USP33: variants seen among roughly 807,000 people sequenced by gnomAD.
USP33 encodes the protein ubiquitin specific peptidase 33.
A neutral mutation model predicts 124.2 loss-of-function variants in USP33; 46 were observed. The ratio of observed to expected loss-of-function variants is 0.37; its 90% CI spans 0.29 to 0.47. USP33 has a LOEUF of 0.47. USP33 is among the 20% of genes least tolerant of loss of function. USP33 has a pLI of 0.99. For synonymous variants in USP33, 350 were observed against 352.3 expected, an observed-to-expected ratio of 0.99 and a Z score of 0.07; for missense variants, 851 against 1,070.6, an observed-to-expected ratio of 0.79 and a Z score of 2.86.
At chr1:77,712,909 T>C (rs924177657) in intron 20 of USP33, among the ~76,000 whole-genome samples, 5 of 152,138 alleles carry the variant, frequency 3.3e-5, no homozygotes, top group African/African-American at 1.2e-4. Flanking sequence ...CTCAATTGTG[T>C]GAGTATATAC....
chr1:77,704,090 G>A (rs1410339472), intron 21 of USP33, among the ~76,000 whole-genome samples: 10 of 151,702 alleles, frequency 6.6e-5, no homozygotes, highest in East Asian at 3.9e-4. Context: ...GCTCCAGCCC[G>A]GGCAAAAGAG....
At chr1:77,743,594 C>G (rs1476826693) in intron 1 of USP33, among the ~76,000 whole-genome samples, 1 of 152,080 alleles carries the variant, frequency 6.6e-6, no homozygotes, top group African/African-American at 2.4e-5. Context: ...CCTGTCTCAG[C>G]CTCCCATGTA....
At chr1:77,699,523 AAG>A (rs570973152) in intron 22 of USP33, among the ~76,000 whole-genome samples, 14 of 152,210 alleles carry the variant, frequency 9.2e-5, no homozygotes, top group Admixed American at 2.6e-4. Flanking sequence ...TTTCAAAAAA[AAG>A]AGAGAGTCAA....
chr1:77,738,625 T>C (rs994866366), intron 5 of USP33, among the ~76,000 whole-genome samples: 3 of 151,856 alleles, frequency 2.0e-5, no homozygotes, highest in African/African-American at 7.3e-5. Flanking sequence ...GGAATACAGG[T>C]GCCCGCCACC....
At chr1:77,750,974 T>C (rs1680278951) in intron 1 of USP33, among the ~76,000 whole-genome samples, 1 of 152,238 alleles carries the variant, frequency 6.6e-6, no homozygotes, top group South Asian at 2.1e-4. Flanking sequence ...CATGTATGCT[T>C]CCATTCTTGT....
At chr1:77,740,276 T>C (rs989227750) in intron 4 of USP33, among the ~76,000 whole-genome samples, 1 of 151,874 alleles carries the variant, frequency 6.6e-6, no homozygotes, top group Non-Finnish European at 1.5e-5. Flanking sequence ...GGCCATGTCA[T>C]AAACCTAAGC....
In USP33 at chr1:77,757,895, C is replaced by G. The variant is rs972225340; in HGVS notation, c.-52+1748G>C. On this transcript the variant is annotated intron_variant, in intron 1 of 23. Coordinates refer to ENST00000370794, the MANE Select transcript of USP33 (RefSeq NM_201624.3). ...AAGTAAGACTGTGTAAGTGAAAGGT[C>G]ACAGAAAATTCTAATACTACTACAT... Among the ~76,000 whole-genome samples, 4 of 152,300 alleles carry G rather than the reference C, an allele frequency of 2.6e-5. No homozygotes were observed. The South Asian group carries it at 6.2e-4, about 24-fold the overall frequency.
chr1:77,706,732 C>T (rs970923944), intron 21 of USP33, among the ~76,000 whole-genome samples: 1 of 152,170 alleles, frequency 6.6e-6, no homozygotes, highest in African/African-American at 2.4e-5. Context: ...GGGTTTGGTA[C>T]TATCTTACAC....
intron 1 of USP33, among the ~76,000 whole-genome samples, chr1:77,745,804 G>A (rs972154066): frequency 3.5e-4 from 53 of 152,236 alleles, no homozygotes; most frequent in African/African-American, 1.3e-3. Context: ...TGAAATGAAG[G>A]CACAAATAAA....
At chr1:77,716,829 C>A (rs1347890827) in intron 17 of USP33, among the ~76,000 whole-genome samples, 2 of 152,076 alleles carry the variant, frequency 1.3e-5, no homozygotes, top group Non-Finnish European at 2.9e-5. Context: ...ACTGCGCCCC[C>A]ACAAACACCC....
Position 77,728,549 on chromosome 1 carries a change from C to T in USP33, c.881G>A (p.Ser294Asn). The change falls in exon 10 of 24, where the codon AGC (serine) becomes AAC (asparagine). Residue 294 changes from serine (S) to asparagine (N), a missense_variant. Coordinates refer to ENST00000370794, the MANE Select transcript of USP33 (RefSeq NM_201624.3). ...TTCATTTTCTGCTCTATCACTGTTG[C>T]TACAAGATTCACAAGACTGAAAATC... ...DVDFQSCESC[S>N]NSDRAENENG... 1 of 1,614,090 alleles carries T rather than the reference C, an allele frequency of 6.2e-7. No individual in the cohort carries two copies. The highest frequency in any genetic ancestry group is 1.6e-4 in the Middle Eastern group (1 of 6,062).
intron 14 of USP33, 134 bp from the exon 15 acceptor site, chr1:77,721,339 C>T: frequency 1.1e-6 from 1 of 876,646 alleles, no homozygotes. Flanking sequence ...TTAATCTATG[C>T]TCATGAATCA....
chr1:77,715,081 C>T (rs533860881), intron 18 of USP33, among the ~76,000 whole-genome samples: 1 of 152,086 alleles, frequency 6.6e-6, no homozygotes, highest in South Asian at 2.1e-4. Flanking sequence ...CTAGCATCTT[C>T]TTTTATAAGA....
intron 1 of USP33, among the ~76,000 whole-genome samples, chr1:77,749,968 A>C (rs1471100618): frequency 1.3e-5 from 2 of 152,330 alleles, no homozygotes; most frequent in East Asian, 3.9e-4. Context: ...AAAAGAATAA[A>C]ACATAAATAC....
At position 77,725,669 on chromosome 1, in the gene USP33, G is replaced by C. The variant is rs140058172; in HGVS notation, c.1229C>G (p.Pro410Arg). ...GVNPRLSASPPKSGNLWPGLA... is the reference protein window; with the variant it reads ...GVNPRLSASPRKSGNLWPGLA... Reference sequence around the variant, plus strand: ...TCCTGGCCACAAATTGCCTGATTTAGGAGGGCTTGCCGATAAACGTGGATT... The same window carrying C: ...TCCTGGCCACAAATTGCCTGATTTACGAGGGCTTGCCGATAAACGTGGATT... The change falls in exon 11 of 24, where the codon CCT becomes CGT. Residue 410 changes from proline to arginine, a missense_variant. Physicochemically the swap from Pro to Arg is moderately radical, Grantham distance 103 (BLOSUM62 -2). Around this residue, in one of 4 missense-constraint regions of USP33, gnomAD observed 207 missense variants for 200.9 expected, o/e 1.03. Transcript: ENST00000370794. 1.2e-6 allele frequency: 2 copies of C among 1,614,156 alleles called. No homozygotes were observed. The highest frequency in any genetic ancestry group is 1.7e-6 in the Non-Finnish European group (2 of 1,180,022).
chr1:77,705,126 A>AGG (rs1438964935), intron 21 of USP33, among the ~76,000 whole-genome samples: 1 of 117,186 alleles, frequency 8.5e-6, no homozygotes, highest in African/African-American at 4.3e-5. Flanking sequence ...TTAAAAAAAA[A>AGG]AGGGGGGGGG....
intron 21 of USP33, among the ~76,000 whole-genome samples, chr1:77,707,410 G>A (rs1200377401): frequency 1.3e-5 from 2 of 152,162 alleles, no homozygotes; most frequent in Non-Finnish European, 2.9e-5. Flanking sequence ...GTGTATCTCT[G>A]TGAAGGGTCA....
chr1:77,721,158 T>G lies in USP33; in HGVS notation c.1691+14A>C. The G allele has an allele frequency of 6.2e-7, 1 of 1,613,808 alleles. No individual in the cohort carries two copies. The highest frequency in any genetic ancestry group is 8.5e-7 in the Non-Finnish European group (1 of 1,179,850). On this transcript the variant is annotated intron_variant, in intron 15 of 23. Transcript: ENST00000370794. ...ACACAACATGCAATTAAAAGCACTG[T>G]CAATGTCACTTACTTTTTGCATTTT... is the stretch of plus-strand genomic sequence containing the variant.
intron 15 of USP33, among the ~76,000 whole-genome samples, chr1:77,720,165 GAAAAAAAAAAAAAAA>G (rs745681259): frequency 3.7e-4 from 16 of 42,748 alleles, no homozygotes; most frequent in South Asian, 3.0e-3. Flanking sequence ...TGTCTCAAAT[GAAAAAAAAAAAAAAA>G]AAAAAAAAAA....
Sources: allele counts gnomAD v4.1 joint callset (sites outside exome capture counted in the v4.1 genomes callset), GRCh38; gene constraint gnomAD v4.1.1; regional missense constraint gnomAD v4.1.1; transcripts MANE v1.5; gene names NCBI Gene and HGNC (gene_info 2026-07-23, HGNC 2026-07-21).